NALF1: variants seen among roughly 807,000 people sequenced by gnomAD.
The protein encoded by NALF1 is NALCN channel auxiliary factor 1.
In NALF1, 3 loss-of-function variants were observed where a neutral mutation model predicts 48.4. The ratio of observed to expected loss-of-function variants is 0.06; its 90% confidence interval spans 0.03 to 0.16. NALF1 has a LOEUF of 0.16. NALF1 is among the 10% of genes least tolerant of loss of function. The pLI, the probability that NALF1 is intolerant of heterozygous loss-of-function variation, is 1.00. For missense variants in NALF1, 526 were observed against 571.5 expected, an observed-to-expected ratio of 0.92 and a Z score of 0.81; for synonymous variants, 262 against 245.7, an observed-to-expected ratio of 1.07 and a Z score of -0.62.
chr13:107,357,634 G>C (rs1355933003), intron 1 of NALF1, among the ~76,000 whole-genome samples: 1 of 152,166 alleles, frequency 6.6e-6, no homozygotes, highest in African/African-American at 2.4e-5. Flanking sequence ...TGAAGTATTT[G>C]AACAGATAAA....
chr13:107,587,261 C>T (rs1472767139), intron 1 of NALF1, among the ~76,000 whole-genome samples: 1 of 152,088 alleles, frequency 6.6e-6, no homozygotes, highest in Non-Finnish European at 1.5e-5. Context: ...GATTGAGGTG[C>T]TTTCCCCAAC....
At chr13:107,659,682 C>A (rs997717072) in intron 1 of NALF1, among the ~76,000 whole-genome samples, 2 of 151,676 alleles carry the variant, frequency 1.3e-5, no homozygotes, top group East Asian at 3.9e-4. Context: ...ATAATATATA[C>A]TTTTAAATTT....
At chr13:107,529,273 C>T (rs896045898) in intron 1 of NALF1, among the ~76,000 whole-genome samples, 2 of 152,030 alleles carry the variant, frequency 1.3e-5, no homozygotes, top group Non-Finnish European at 2.9e-5. Flanking sequence ...TATTCAAGAG[C>T]AGAGAAACGA....
intron 1 of NALF1, among the ~76,000 whole-genome samples, chr13:107,524,094 A>G (rs1013511945): frequency 1.3e-5 from 2 of 152,164 alleles, no homozygotes; most frequent in African/African-American, 4.8e-5. Context: ...TAAAAATTCT[A>G]AACAGTGCTA....
chr13:107,854,287 A>C (rs944467005), intron 1 of NALF1, among the ~76,000 whole-genome samples: 1 of 152,250 alleles, frequency 6.6e-6, no homozygotes, highest in African/African-American at 2.4e-5. Context: ...TCCAGAAAGC[A>C]GGTCACTTGC....
At chr13:107,792,426 C>T (rs1878277269) in intron 1 of NALF1, among the ~76,000 whole-genome samples, 1 of 152,104 alleles carries the variant, frequency 6.6e-6, no homozygotes, top group African/African-American at 2.4e-5. Flanking sequence ...CCACTTCTCC[C>T]CCACAAACAG....
chr13:107,719,244 T>C (rs1253483315), intron 1 of NALF1, among the ~76,000 whole-genome samples: 1 of 152,202 alleles, frequency 6.6e-6, no homozygotes, highest in Non-Finnish European at 1.5e-5. Context: ...GTTTTCTAGT[T>C]AGCAAGGTTT....
At chr13:107,568,608 T>A (rs528821197) in intron 1 of NALF1, among the ~76,000 whole-genome samples, 16 of 152,338 alleles carry the variant, frequency 1.1e-4, no homozygotes, top group African/African-American at 3.6e-4. Context: ...TTACCAGCAT[T>A]TAATGTTATT....
At chr13:107,306,689 C>T (rs531153836) in intron 1 of NALF1, among the ~76,000 whole-genome samples, 3 of 152,244 alleles carry the variant, frequency 2.0e-5, no homozygotes, top group East Asian at 1.9e-4. Context: ...GTCAGCCAGG[C>T]GAGATGGCTC....
intron 1 of NALF1, among the ~76,000 whole-genome samples, chr13:107,598,392 C>T (rs1878818056): frequency 6.6e-6 from 1 of 152,166 alleles, no homozygotes; most frequent in South Asian, 2.1e-4. Flanking sequence ...CACTGTCAGT[C>T]CCGTAGTTTT....
At chr13:107,261,842 T>C (rs1210745375) in intron 1 of NALF1, among the ~76,000 whole-genome samples, 1 of 152,040 alleles carries the variant, frequency 6.6e-6, no homozygotes, top group Non-Finnish European at 1.5e-5. Context: ...ATAAAATAAA[T>C]ATATTAGAAA....
In NALF1 at chr13:107,298,308, C is replaced by A. The variant is rs116279141; in HGVS notation, c.916-87553G>T. On this transcript the variant is annotated intron_variant, in intron 1 of 2. Transcript: ENST00000375915. ...GAGCTTGCAGTGAGCAAGGATGGCA[C>A]CACTGCTCTCCAGCCTGGGCGACAG... Among the ~76,000 whole-genome samples the A allele has an allele frequency of 6.8e-3, 862 of 126,436 alleles. 10 individuals are homozygous for A. Among genetic ancestry groups the A allele is most frequent in the African/African-American group, 0.025 (817 of 32,222 alleles). 82.9% of individuals were successfully genotyped at this position (126,436 alleles called of 152,430 possible).
chr13:107,638,045 T>C (rs970812456), intron 1 of NALF1, among the ~76,000 whole-genome samples: 3 of 151,818 alleles, frequency 2.0e-5, no homozygotes, highest in African/African-American at 7.2e-5. Context: ...CCGTAAGTCA[T>C]CTTCCTGAGT....
At chr13:107,801,351 T>C (rs973113454) in intron 1 of NALF1, among the ~76,000 whole-genome samples, 8 of 152,210 alleles carry the variant, frequency 5.3e-5, no homozygotes, top group African/African-American at 1.9e-4. Flanking sequence ...GTGGATTAAA[T>C]GGTGTACTAG....
chr13:107,326,885 T>C lies in NALF1; in HGVS notation c.916-116130A>G, dbSNP rs577385802. On this transcript the variant is annotated intron_variant, in intron 1 of 2. Transcript: ENST00000375915. ...CACTGGGCCTTGAGGGTGATCTTAA[T>C]TAGAGGATTCCCTCACATGATCCAG... 8.0e-4 allele frequency among the ~76,000 whole-genome samples: 119 copies of C among 148,504 alleles called. 2 individuals are homozygous for C. In the South Asian group the frequency reaches 0.026, roughly 33 times the overall value.
At chr13:107,221,518 T>C (rs1055536569) in intron 1 of NALF1, among the ~76,000 whole-genome samples, 1 of 152,024 alleles carries the variant, frequency 6.6e-6, no homozygotes, top group Non-Finnish European at 1.5e-5. Flanking sequence ...AGTCAGAAAC[T>C]GCAGGGAGCC....
Position 107,166,499 on chromosome 13 carries a change from G to T in NALF1, c.*3998C>A, listed in dbSNP as rs1272143320. 1.3e-5 allele frequency: 2 copies of T among 152,184 alleles called. No individual in the cohort carries two copies. The highest frequency in any genetic ancestry group is 1.9e-4 in the East Asian group (1 of 5,198). 9.4% of individuals were successfully genotyped at this position (152,184 alleles called of 1,614,324 possible). A position where few individuals can be genotyped will look rare whatever the true frequency, so the allele number is the denominator to read the frequency against. On this transcript the variant is annotated 3_prime_UTR_variant, in exon 3 of 3. Coordinates refer to ENST00000375915, the MANE Select transcript of NALF1 (RefSeq NM_001080396.3). Reference sequence around the variant, plus strand: ...TAAATAAAACAAAATGCAGCTTTCAGTTCTGTGTTGATTTAATGCTTTGAG... The same window carrying T: ...TAAATAAAACAAAATGCAGCTTTCATTTCTGTGTTGATTTAATGCTTTGAG...
At chr13:107,524,955 A>G (rs1277602346) in intron 1 of NALF1, among the ~76,000 whole-genome samples, 1 of 151,162 alleles carries the variant, frequency 6.6e-6, no homozygotes, top group Non-Finnish European at 1.5e-5. Flanking sequence ...AGAGAGAGAG[A>G]GAAAAAAAAA....
At chr13:107,170,880 A>C (rs1639760524) in intron 2 of NALF1, 94 bp from the exon 3 acceptor site, 1 of 1,140,444 alleles carries the variant, frequency 8.8e-7, no homozygotes. Context: ...AACCCACAAA[A>C]TCTTACAGGC....
Sources: allele counts gnomAD v4.1 joint callset (sites outside exome capture counted in the v4.1 genomes callset), GRCh38; gene constraint gnomAD v4.1.1; transcripts MANE v1.5; gene names NCBI Gene and HGNC (gene_info 2026-07-23, HGNC 2026-07-21).